BCL2L13: variants seen among roughly 807,000 people sequenced by gnomAD.
BCL2L13 encodes the protein BCL2 like 13.
Under a neutral mutation model 25.8 loss-of-function variants are expected in BCL2L13, and 13 were observed. The observed-to-expected ratio is 0.50, with a 90% CI of 0.33 to 0.80. The LOEUF (loss-of-function observed/expected upper bound fraction) is 0.80, where lower values mean the gene tolerates loss of function less well. Among genes scored for constraint, BCL2L13 ranks in the 30% least tolerant of loss-of-function variants. The pLI, the probability that BCL2L13 is intolerant of heterozygous loss-of-function variation, is 0.02. For missense variants in BCL2L13, 504 were observed against 574.9 expected (o/e 0.88, Z 1.26); for synonymous variants, 244 against 230.3 (o/e 1.06, Z -0.54).
At position 17,669,712 on chromosome 22, in the gene BCL2L13, G is replaced by A. The variant is rs143190789; in HGVS notation, c.122-13502G>A. On this transcript the variant is annotated intron_variant, in intron 2 of 6. Transcript: ENST00000317582. ...CCGTTACAAATGGATTAATCCATTC[G>A]TGGGTTAATGGATTAATGAGTTATG... 1.8e-3 allele frequency among the ~76,000 whole-genome samples: 268 copies of A among 152,250 alleles called. 3 individuals carry two copies. The highest frequency in any genetic ancestry group is 5.9e-3 in the African/African-American group (246 of 41,560).
rs2058744536 is a variant in BCL2L13, at chr22:17,653,204, C to CATA, written c.-50-2458_-50-2457insATA. ...CGTTAAGTCGGGGACTGTCTGTATACCCTAAAGTGATTTCCTTATCCTTCC... is the reference window on the plus strand; with the variant it reads ...CGTTAAGTCGGGGACTGTCTGTATACATACCTAAAGTGATTTCCTTATCCTTCC... On this transcript the variant is annotated intron_variant, in intron 1 of 6. Coordinates refer to ENST00000317582, the MANE Select transcript of BCL2L13 (RefSeq NM_015367.4). 2.0e-5 allele frequency among the ~76,000 whole-genome samples: 3 copies of CATA among 152,246 alleles called. No homozygotes were observed. The South Asian group carries it at 6.2e-4, about 32-fold the overall frequency.
chr22:17,679,416 C>A (rs1193393757), intron 2 of BCL2L13, among the ~76,000 whole-genome samples: 1 of 151,760 alleles, frequency 6.6e-6, no homozygotes, highest in Non-Finnish European at 1.5e-5. Context: ...ATTACAGGCG[C>A]CTGCCACCAT....
intron 6 of BCL2L13, among the ~76,000 whole-genome samples, chr22:17,710,615 G>A (rs113222188): frequency 0.15 from 22,022 of 151,268 alleles, 2,073 homozygotes; most frequent in Non-Finnish European, 0.21. Flanking sequence ...ATAAATAAAT[G>A]CCTGTAATCC....
At chr22:17,682,035 T>G (rs2059772065) in intron 2 of BCL2L13, among the ~76,000 whole-genome samples, 1 of 152,212 alleles carries the variant, frequency 6.6e-6, no homozygotes, top group Admixed American at 6.5e-5. Context: ...ATATTAGCCA[T>G]TATTGTGTAT....
intron 6 of BCL2L13, among the ~76,000 whole-genome samples, chr22:17,711,161 G>A (rs1466273671): frequency 6.6e-6 from 1 of 152,034 alleles, no homozygotes; most frequent in Non-Finnish European, 1.5e-5. Context: ...TTTTCAGGCT[G>A]TAGTGAGTTA....
At chr22:17,667,875 T>C (rs2059283700) in intron 2 of BCL2L13, among the ~76,000 whole-genome samples, 1 of 152,134 alleles carries the variant, frequency 6.6e-6, no homozygotes, top group Admixed American at 6.6e-5. Flanking sequence ...GATATTTTCA[T>C]TCATGCTATA....
At chr22:17,631,666 GTGTGTATATATATATATATATA>G (rs1288842970) in intron 1 of BCL2L13, among the ~76,000 whole-genome samples, 5 of 21,414 alleles carry the variant, frequency 2.3e-4, no homozygotes, top group South Asian at 2.2e-3. Context: ...GTATGTGTGT[GTGTGTATATATATATATATATA>G]TATATATATA....
intron 2 of BCL2L13, among the ~76,000 whole-genome samples, chr22:17,658,967 A>C (rs956700917): frequency 2.4e-5 from 3 of 124,838 alleles, no homozygotes; most frequent in African/African-American, 7.8e-5. Context: ...GCTGAGGCAG[A>C]GAATTGCTTG....
chr22:17,690,718 A>G (rs548178374), intron 4 of BCL2L13, among the ~76,000 whole-genome samples: 7 of 152,274 alleles, frequency 4.6e-5, no homozygotes, highest in Admixed American at 2.6e-4. Flanking sequence ...AGCTATGATC[A>G]CACCACTGTG....
rs1455937790 is a variant in BCL2L13, at chr22:17,683,300, C to T, written c.208C>T (p.Leu70=). 2 of 1,565,772 alleles carry T rather than the reference C, an allele frequency of 1.3e-6. No individual in the cohort carries two copies. The highest frequency in any genetic ancestry group is 1.7e-6 in the Non-Finnish European group (2 of 1,148,280). ...TGAAATTGAAGAAGAGCTAAAATCT[C>T]TGGACAAAGAAATTTCTGAAGGTCT... is the stretch of plus-strand genomic sequence containing the variant. The part of the protein sequence containing the change: ...KTEIEEELKS[L]DKEISEAFTS... The change falls in exon 3 of 7, where the codon CTG becomes TTG. Residue 70 remains leucine (L), a synonymous_variant. Coordinates refer to ENST00000317582, the MANE Select transcript of BCL2L13 (RefSeq NM_015367.4).
intron 3 of BCL2L13, among the ~76,000 whole-genome samples, chr22:17,684,444 A>G (rs182034915): frequency 3.7e-4 from 56 of 152,282 alleles, no homozygotes; most frequent in Non-Finnish European, 4.4e-5. Context: ...GCCACTTCCC[A>G]TTCCCACTAG....
intron 6 of BCL2L13, among the ~76,000 whole-genome samples, chr22:17,704,144 T>C (rs1057091885): frequency 6.6e-6 from 1 of 152,174 alleles, no homozygotes; most frequent in Admixed American, 6.5e-5. Flanking sequence ...TTGAGTGCAG[T>C]GCGCAATTGC....
chr22:17,696,279 C>G, intron 5 of BCL2L13, 69 bp downstream of exon 5: 3 of 1,235,010 alleles, frequency 2.4e-6, no homozygotes, highest in Admixed American at 1.7e-5. Context: ...GGAGGAATTG[C>G]TAGCATCATC....
At chr22:17,663,024 C>T (rs1022757071) in intron 2 of BCL2L13, among the ~76,000 whole-genome samples, 10 of 152,004 alleles carry the variant, frequency 6.6e-5, no homozygotes, top group Non-Finnish European at 8.8e-5. Flanking sequence ...GTGCGCACCA[C>T]CATGCCCAGC....
intron 3 of BCL2L13, among the ~76,000 whole-genome samples, chr22:17,686,996 T>C (rs1425169572): frequency 6.6e-6 from 1 of 151,932 alleles, no homozygotes; most frequent in African/African-American, 2.4e-5. Context: ...AAATGGATGC[T>C]CTCCAGCTTG....
Position 17,655,695 on chromosome 22 carries a change from C to T in BCL2L13, c.-17C>T. ...CATCCATAAGTAGACCTTTTTGGAG[C>T]CTCACCAGCCAATTCAATGGCGTCC... On this transcript the variant is annotated 5_prime_UTR_variant, in exon 2 of 7. Transcript: ENST00000317582. The T allele has an allele frequency of 6.2e-7, 1 of 1,604,784 alleles. No homozygotes were observed. The highest frequency in any genetic ancestry group is 1.7e-5 in the Admixed American group (1 of 57,902).
chr22:17,692,562 A>G (rs2060135039), intron 4 of BCL2L13, among the ~76,000 whole-genome samples: 1 of 152,220 alleles, frequency 6.6e-6, no homozygotes, highest in Non-Finnish European at 1.5e-5. Flanking sequence ...AGGCATCTGA[A>G]AAGTACTAGG....
At chr22:17,666,659 C>G (rs1442100466) in intron 2 of BCL2L13, among the ~76,000 whole-genome samples, 2 of 148,246 alleles carry the variant, frequency 1.3e-5, no homozygotes, top group African/African-American at 4.9e-5. Context: ...CATGTTGTTG[C>G]AAATGACAGG....
rs528539435 is a variant in BCL2L13 at position 17,684,878 on chromosome 22, G to A, written c.229+1557G>A. On this transcript the variant is annotated intron_variant, in intron 3 of 6. Transcript: ENST00000317582. Reference sequence around the variant, plus strand: ...CTCCCGAGTAGCTGGGACTACAGGCGCCTGCCACCACACCCGACTAATTTT... The same window carrying A: ...CTCCCGAGTAGCTGGGACTACAGGCACCTGCCACCACACCCGACTAATTTT... Among the ~76,000 whole-genome samples the A allele has an allele frequency of 3.5e-3, 524 of 151,842 alleles. 2 individuals carry two copies. Among genetic ancestry groups the A allele is most frequent in the Non-Finnish European group, 3.4e-3 (232 of 67,902 alleles).
Sources: gnomAD v4.1 joint callset for allele counts (sites outside exome capture counted in the v4.1 genomes callset) on GRCh38, gnomAD v4.1.1 for gene constraint, MANE v1.5 for transcripts, NCBI Gene and HGNC (gene_info 2026-07-23, HGNC 2026-07-21) for gene names.